PLEKHA5: variants seen among roughly 807,000 people sequenced by gnomAD.
The protein encoded by PLEKHA5 is pleckstrin homology domain-containing family A member 5.
A neutral mutation model predicts 181.9 loss-of-function variants in PLEKHA5; 55 were observed. The observed-to-expected ratio is 0.30, with a 90% CI of 0.24 to 0.38. The LOEUF (loss-of-function observed/expected upper bound fraction) is 0.38. Among genes scored for constraint, PLEKHA5 ranks in the 10% least tolerant of loss-of-function variants. PLEKHA5 has a pLI of 1.00. For synonymous variants in PLEKHA5, 535 were observed against 529.4 expected (o/e 1.01, Z -0.15); for missense variants, 1,432 against 1,549.5 (o/e 0.92, Z 1.27).
intron 3 of PLEKHA5, among the ~76,000 whole-genome samples, chr12:19,203,370 ATAAT>A (rs2054636891): frequency 6.6e-6 from 1 of 152,052 alleles, no homozygotes; most frequent in Admixed American, 6.6e-5. Flanking sequence ...CCATCCCAGA[ATAAT>A]TAGTTTTTAT....
At position 19,283,454 on chromosome 12, in the gene PLEKHA5, G is replaced by C; in HGVS notation, c.1488G>C (p.Glu496Asp). Residue 496 changes from glutamate to aspartate, a missense_variant, in exon 12 of 32, where the codon GAG becomes GAC. Physicochemically the swap from Glu to Asp is conservative, Grantham distance 45. Around this residue, in one of 2 missense-constraint regions of PLEKHA5, gnomAD observed 1,143 missense variants for 1,168.4 expected, o/e 0.98. Transcript: ENST00000429027. Reference sequence around the variant, plus strand: ...AGACATTAGGACCCGGAGCGGAGGAGAAACGGAGGTCCATGAGAGATGACA... The same window carrying C: ...AGACATTAGGACCCGGAGCGGAGGACAAACGGAGGTCCATGAGAGATGACA... ...HDKTLGPGAE[E>D]KRRSMRDDTM... is the part of the protein sequence containing the mutation. The C allele has an allele frequency of 6.2e-7, 1 of 1,614,122 alleles. No individual in the cohort carries two copies. Among genetic ancestry groups the C allele is most frequent in the South Asian group, 1.1e-5 (1 of 91,076 alleles).
chr12:19,335,116 G>A (rs1192877306), intron 20 of PLEKHA5, among the ~76,000 whole-genome samples: 8 of 141,802 alleles, frequency 5.6e-5, no homozygotes, highest in African/African-American at 1.8e-4. Context: ...TGCAACCTCC[G>A]CCTCTGGGCT....
chr12:19,324,596 G>C (rs540596241), intron 20 of PLEKHA5, among the ~76,000 whole-genome samples: 2 of 152,266 alleles, frequency 1.3e-5, no homozygotes, highest in East Asian at 1.9e-4. Flanking sequence ...GAAAATATAA[G>C]CACCTGAAAT....
intron 21 of PLEKHA5, among the ~76,000 whole-genome samples, chr12:19,337,612 A>G (rs76630821): frequency 0.018 from 2,769 of 151,994 alleles, 42 homozygotes; most frequent in Admixed American, 0.04. Flanking sequence ...TGAGGAACGC[A>G]GATAATACAT....
At chr12:19,155,501 T>C (rs1393594166) in intron 3 of PLEKHA5, among the ~76,000 whole-genome samples, 1 of 152,222 alleles carries the variant, frequency 6.6e-6, no homozygotes, top group Non-Finnish European at 1.5e-5. Context: ...TGAGGACCTG[T>C]GAATTTTTAT....
chr12:19,258,339 T>G (rs1290749580), intron 6 of PLEKHA5, among the ~76,000 whole-genome samples: 1 of 152,098 alleles, frequency 6.6e-6, no homozygotes, highest in Non-Finnish European at 1.5e-5. Context: ...TTCTTTCTGA[T>G]TCTATATACG....
At chr12:19,367,803 G>T (rs2095473039) in intron 30 of PLEKHA5, among the ~76,000 whole-genome samples, 1 of 150,128 alleles carries the variant, frequency 6.7e-6, no homozygotes, top group African/African-American at 2.4e-5. Flanking sequence ...AGCCAGGTTG[G>T]TCTCAATCTC....
intron 21 of PLEKHA5, among the ~76,000 whole-genome samples, chr12:19,337,571 AAAT>A (rs1028782668): frequency 1.0e-4 from 15 of 150,384 alleles, no homozygotes; most frequent in African/African-American, 3.2e-4. Flanking sequence ...AAAAAAAAAG[AAAT>A]AATAATACTT....
chr12:19,351,668 A>G (rs1246115634), intron 25 of PLEKHA5, among the ~76,000 whole-genome samples: 1 of 152,202 alleles, frequency 6.6e-6, no homozygotes, highest in African/African-American at 2.4e-5. Context: ...AGATAATCCA[A>G]AAAAGAAAAG....
Position 19,347,045 on chromosome 12 carries a change from A to G in PLEKHA5, c.2761A>G (p.Thr921Ala), listed in dbSNP as rs778749757. ...TCCACTTCCTCGGTCCTATGACTTT[A>G]CAGAGCAGCCTCCCATAATCCCCCC... ...RPPLPRSYDF[T>A]EQPPIIPPLP... The change falls in exon 24 of 32, where the codon ACA (threonine) becomes GCA (alanine). Residue 921 changes from threonine (T) to alanine (A), a missense_variant. By Grantham distance (58) the Thr-to-Ala change is moderately conservative. Around this residue, in one of 2 missense-constraint regions of PLEKHA5, gnomAD observed 1,143 missense variants for 1,168.4 expected, o/e 0.98. Transcript: ENST00000429027. The G allele has an allele frequency of 6.4e-7, 1 of 1,551,632 alleles. No individual in the cohort carries two copies. Among genetic ancestry groups the G allele is most frequent in the South Asian group, 1.2e-5 (1 of 84,026 alleles).
At chr12:19,340,480 T>G (rs1285186084) in intron 21 of PLEKHA5, among the ~76,000 whole-genome samples, 156 of 135,230 alleles carry the variant, frequency 1.2e-3, no homozygotes, top group Middle Eastern at 3.8e-3. Context: ...GAACGGGCCA[T>G]GATGACAATG....
At chr12:19,292,086 C>G (rs191022328) in intron 15 of PLEKHA5, among the ~76,000 whole-genome samples, 83 of 152,282 alleles carry the variant, frequency 5.5e-4, no homozygotes, top group Admixed American at 1.7e-3. Context: ...GTAGTGTGCT[C>G]TGTATTCCTA....
At chr12:19,331,492 A>G (rs1230507300) in intron 20 of PLEKHA5, among the ~76,000 whole-genome samples, 1 of 152,186 alleles carries the variant, frequency 6.6e-6, no homozygotes, top group Non-Finnish European at 1.5e-5. Flanking sequence ...GGCGTAAGCC[A>G]CCATGCCCGG....
At position 19,306,367 on chromosome 12, in the gene PLEKHA5, C is replaced by G. The variant is rs143528091; in HGVS notation, c.2038-8447C>G. The G allele has an allele frequency of 2.5e-3, 1,224 of 492,768 alleles. 16 individuals are homozygous for G. Among genetic ancestry groups the G allele is most frequent in the African/African-American group, 0.022 (1,120 of 51,334 alleles). The allele number at this position is 492,768 out of a possible 1,614,324, so 30.5% of individuals were successfully genotyped here. The stretch of plus-strand genomic sequence containing the variant: ...TTGTTTTCTCGTGCTCTCCAACTAG[C>G]GTGCTCTCTTCCCCTCCCCCGCGGC... On this transcript the variant is annotated intron_variant, in intron 15 of 31. Coordinates refer to ENST00000429027, the MANE Select transcript of PLEKHA5 (RefSeq NM_001256470.2).
At chr12:19,345,125 C>T (rs761735676) in intron 22 of PLEKHA5, among the ~76,000 whole-genome samples, 14 of 151,228 alleles carry the variant, frequency 9.3e-5, no homozygotes, top group Non-Finnish European at 1.6e-4. Flanking sequence ...ATAAGCCGGG[C>T]GCAGTGGCTC....
chr12:19,146,491 A>C (rs549942033), intron 3 of PLEKHA5, among the ~76,000 whole-genome samples: 27 of 152,224 alleles, frequency 1.8e-4, no homozygotes, highest in Non-Finnish European at 3.4e-4. Context: ...TACAAATAAA[A>C]AGTTTTTGAG....
Position 19,254,012 on chromosome 12 carries a change from A to T in PLEKHA5, c.300A>T (p.Val100=). The change falls in exon 4 of 32, where the codon GTA becomes GTT. Residue 100 remains valine, a synonymous_variant. Transcript: ENST00000429027. ...CATCACAGGACAATTGTATTTTTGT[A>T]GTGAATGAACAGTAAGTAAAGAGTT... The part of the protein sequence containing the change: ...GQPSQDNCIF[V]VNEQTVATMT... 1 of 1,593,788 alleles carries T rather than the reference A, an allele frequency of 6.3e-7. No homozygotes were observed. Among genetic ancestry groups the T allele is most frequent in the South Asian group, 1.1e-5 (1 of 89,294 alleles).
intron 11 of PLEKHA5, among the ~76,000 whole-genome samples, chr12:19,275,388 G>A (rs180739044): frequency 6.6e-6 from 1 of 152,170 alleles, no homozygotes; most frequent in African/African-American, 2.4e-5. Flanking sequence ...CCTGAGACAA[G>A]TAATATGGAG....
chr12:19,297,628 C>CAAA (rs934426933), intron 15 of PLEKHA5, among the ~76,000 whole-genome samples: 97 of 63,726 alleles, frequency 1.5e-3, no homozygotes, highest in Admixed American at 3.2e-3. Context: ...GGCTCCGTCT[C>CAAA]AAAAAAAAAA....
Sources: allele counts gnomAD v4.1 joint callset (sites outside exome capture counted in the v4.1 genomes callset), GRCh38; gene constraint gnomAD v4.1.1; regional missense constraint gnomAD v4.1.1; transcripts MANE v1.5; gene names NCBI Gene and HGNC (gene_info 2026-07-23, HGNC 2026-07-21).